Variants in CDC20B observed in about 807,000 individuals in gnomAD.
CDC20B encodes cell division cycle 20B, also known as cell division cycle protein 20 homolog B.
In CDC20B, 58 loss-of-function variants were observed where a neutral mutation model predicts 64.1. The observed-to-expected ratio is 0.90, with a 90% CI of 0.73 to 1.13. The LOEUF (loss-of-function observed/expected upper bound fraction) is 1.13. Ranked by LOEUF, CDC20B falls within the 50% of genes most tolerant of loss-of-function variation. The pLI, the probability that CDC20B is intolerant of heterozygous loss-of-function variation, is 0.00. For missense variants in CDC20B, 597 were observed against 633.0 expected (o/e 0.94, Z 0.61); for synonymous variants, 243 against 230.6 (o/e 1.05, Z -0.49).
chr5:55,143,987 C>G (rs951252214), intron 3 of CDC20B, among the ~76,000 whole-genome samples: 2 of 100,264 alleles, frequency 2.0e-5, no homozygotes, highest in Non-Finnish European at 3.8e-5. Context: ...TGCTTTATCT[C>G]TGTATGGAAA....
At chr5:55,124,210 G>A (rs193157292) in intron 9 of CDC20B, among the ~76,000 whole-genome samples, 20 of 152,212 alleles carry the variant, frequency 1.3e-4, no homozygotes, top group Admixed American at 9.8e-4. Context: ...CTTTTCTTAC[G>A]TGTGAGCTTG....
At chr5:55,154,159 G>T (rs1049534157) in intron 2 of CDC20B, among the ~76,000 whole-genome samples, 2 of 152,290 alleles carry the variant, frequency 1.3e-5, no homozygotes, top group Middle Eastern at 3.4e-3. Flanking sequence ...GGTAAACACC[G>T]TAATGGGACA....
At position 55,151,439 on chromosome 5, in the gene CDC20B, T is replaced by C. The variant is rs142306128; in HGVS notation, c.127-4583A>G. 6.8e-3 allele frequency among the ~76,000 whole-genome samples: 1,032 copies of C among 152,302 alleles called. 14 individuals are homozygous for C. The highest frequency in any genetic ancestry group is 0.023 in the African/African-American group (974 of 41,572). On this transcript the variant is annotated intron_variant, in intron 2 of 11. Transcript: ENST00000381375. ...ACCGCATTGGAAGATAAACTTAGTTTGCAGAAAACATGGCAGAGGACAGAG... is the reference window on the plus strand; with the variant it reads ...ACCGCATTGGAAGATAAACTTAGTTCGCAGAAAACATGGCAGAGGACAGAG...
intron 2 of CDC20B, among the ~76,000 whole-genome samples, chr5:55,169,656 G>T (rs62360414): frequency 0.14 from 21,031 of 152,118 alleles, 1,659 homozygotes; most frequent in East Asian, 0.26. Flanking sequence ...CCAAAAAAAT[G>T]TAAACCATCC....
intron 7 of CDC20B, among the ~76,000 whole-genome samples, 160 bp downstream of exon 7, chr5:55,128,260 TA>T (rs372856760): frequency 0.25 from 27,167 of 109,492 alleles, 2,521 homozygotes; most frequent in South Asian, 0.34. Flanking sequence ...AACCATTCAG[TA>T]AAAAAAAAAA....
chr5:55,162,265 G>A (rs551553929), intron 2 of CDC20B, among the ~76,000 whole-genome samples: 1 of 152,078 alleles, frequency 6.6e-6, no homozygotes, highest in Admixed American at 6.5e-5. Context: ...GTGTGGTGGT[G>A]GGCACCTGTA....
intron 2 of CDC20B, among the ~76,000 whole-genome samples, chr5:55,157,744 T>A (rs1743854439): frequency 6.6e-6 from 1 of 152,220 alleles, no homozygotes; most frequent in African/African-American, 2.4e-5. Flanking sequence ...GTTTCTGTAC[T>A]TATAATACAA....
chr5:55,136,792 A>G (rs1013764466), intron 5 of CDC20B: 8 of 152,154 alleles, frequency 5.3e-5, no homozygotes, highest in African/African-American at 1.9e-4. Flanking sequence ...CTGGCTCCCA[A>G]ACAATTATTT....
chr5:55,120,610 T>C, intron 9 of CDC20B, 60 bp from the exon 10 acceptor site: 1 of 1,594,506 alleles, frequency 6.3e-7, no homozygotes, highest in East Asian at 2.3e-5. Context: ...CACTCATGAA[T>C]GTGATGCACT....
At chr5:55,121,286 G>A (rs1486859560) in intron 9 of CDC20B, among the ~76,000 whole-genome samples, 4 of 151,926 alleles carry the variant, frequency 2.6e-5, no homozygotes, top group Non-Finnish European at 5.9e-5. Flanking sequence ...CAAACATCGT[G>A]TTTATACTAT....
rs149975868 is a variant in CDC20B, at chr5:55,133,414, T to C, written c.695A>G (p.Tyr232Cys). The change falls in exon 6 of 12, where the codon TAC becomes TGC. Residue 232 changes from tyrosine (Y) to cysteine (C), a missense_variant and splice_region_variant. Transcript: ENST00000381375. ...TCCCAATCTAAATGATAACTTACAG[T>C]AGTCATTTCGAAGACCAGTAATATG... ...KIHITGLRND[Y>C]YLNILDWSFQ... 11 of 1,471,904 alleles carry C rather than the reference T, an allele frequency of 7.5e-6. No individual in the cohort carries two copies. Among genetic ancestry groups the C allele is most frequent in the Non-Finnish European group, 1.0e-5 (11 of 1,064,956 alleles). The allele number at this position is 1,471,904 out of a possible 1,614,324, so 91.2% of individuals were successfully genotyped here. A position where few individuals can be genotyped will look rare whatever the true frequency, so the allele number is the denominator to read the frequency against.
At chr5:55,162,587 C>T (rs1205624825) in intron 2 of CDC20B, among the ~76,000 whole-genome samples, 1 of 152,226 alleles carries the variant, frequency 6.6e-6, no homozygotes, top group Non-Finnish European at 1.5e-5. Context: ...TCAGAATCTT[C>T]TAAAAACATT....
At chr5:55,156,931 C>G (rs1348454811) in intron 2 of CDC20B, among the ~76,000 whole-genome samples, 2 of 152,168 alleles carry the variant, frequency 1.3e-5, no homozygotes, top group Admixed American at 1.3e-4. Context: ...CAGTTATTTA[C>G]TGCCTTGTAA....
At position 55,143,433 on chromosome 5, in the gene CDC20B, C is replaced by T. The variant is rs1166202066; in HGVS notation, c.486+80G>A. 2.9e-6 allele frequency: 4 copies of T among 1,386,604 alleles called. No homozygotes were observed. The African/African-American group carries it at 5.8e-5, about 20-fold the overall frequency. 85.9% of individuals were successfully genotyped at this position (1,386,604 alleles called of 1,614,324 possible). On this transcript the variant is annotated intron_variant, in intron 4 of 11. Coordinates refer to ENST00000381375, the MANE Select transcript of CDC20B (RefSeq NM_001170402.1). ...CTTATTGATTGGTAAGAGAACTAAGCAACTCTTCCCTTACATTTGCAACTA... is the reference window on the plus strand; with the variant it reads ...CTTATTGATTGGTAAGAGAACTAAGTAACTCTTCCCTTACATTTGCAACTA...
At chr5:55,168,150 C>CT (rs1343243053) in intron 2 of CDC20B, among the ~76,000 whole-genome samples, 1 of 152,032 alleles carries the variant, frequency 6.6e-6, no homozygotes. Flanking sequence ...CACCACACTC[C>CT]TTCCCACTCT....
chr5:55,127,164 T>C, intron 8 of CDC20B, 93 bp downstream of exon 8: 1 of 1,100,592 alleles, frequency 9.1e-7, no homozygotes, highest in South Asian at 1.4e-5. Context: ...TTATTTTTGA[T>C]TGGTTTAGGT....
At chr5:55,131,271 C>T (rs777162567) in intron 6 of CDC20B, among the ~76,000 whole-genome samples, 9 of 152,128 alleles carry the variant, frequency 5.9e-5, no homozygotes, top group Non-Finnish European at 4.4e-5. Flanking sequence ...AGTAACTCTA[C>T]GTAGACTAAG....
At chr5:55,160,466 C>A in intron 2 of CDC20B, 3 of 1,268,278 alleles carry the variant, frequency 2.4e-6, no homozygotes, top group South Asian at 2.7e-5. Context: ...TTAATAAAAT[C>A]AATTTTTTGC....
At chr5:55,166,211 C>G (rs531513804) in intron 2 of CDC20B, 1 of 152,450 alleles carries the variant, frequency 6.6e-6, no homozygotes, top group Non-Finnish European at 1.5e-5. Context: ...GCAGAGACTC[C>G]CCACTGCCAG....
Sources: allele counts gnomAD v4.1 joint callset (sites outside exome capture counted in the v4.1 genomes callset), GRCh38; gene constraint gnomAD v4.1.1; transcripts MANE v1.5; gene names NCBI Gene and HGNC (gene_info 2026-07-23, HGNC 2026-07-21).